The following PCDH15 variants were observed in gnomAD, a reference collection of about 807,000 sequenced individuals.
PCDH15 encodes protocadherin-15.
In PCDH15, 129 loss-of-function variants were observed where a neutral mutation model predicts 178.5. The ratio of observed to expected loss-of-function variants is 0.72; its 90% confidence interval spans 0.63 to 0.84. The LOEUF is 0.84. Ranked by LOEUF, PCDH15 falls within the 40% of genes least tolerant of loss-of-function variation. The probability of loss-of-function intolerance (pLI) is 0.00; values close to 1 mark genes in which losing one functional copy is unlikely to be tolerated. For missense variants in PCDH15, 2,230 were observed against 2,099.9 expected (o/e 1.06, Z -1.21); for synonymous variants, 800 against 732.0 (o/e 1.09, Z -1.50).
At chr10:54,505,338 A>G (rs2137561662) in intron 3 of PCDH15, among the ~76,000 whole-genome samples, 1 of 152,260 alleles carries the variant, frequency 6.6e-6, no homozygotes, top group Admixed American at 6.5e-5. Flanking sequence ...AAATGAAAGA[A>G]AGGAAGGCAA....
intron 2 of PCDH15, among the ~76,000 whole-genome samples, chr10:55,590,111 C>T (rs1213119737): frequency 6.6e-6 from 1 of 151,244 alleles, no homozygotes; most frequent in Admixed American, 6.6e-5. Flanking sequence ...GGCACATATA[C>T]ACCATGGAAT....
At position 54,963,335 on chromosome 10, in the gene PCDH15, G is replaced by GT. The variant is rs5785104; in HGVS notation, c.-79-65836dup. 1.5e-3 allele frequency among the ~76,000 whole-genome samples: 228 copies of GT among 148,514 alleles called. 1 individual carries two copies. The highest frequency in any genetic ancestry group is 2.6e-3 in the South Asian group (12 of 4,696). On this transcript the variant is annotated intron_variant, in intron 2 of 5. Coordinates refer to the PCDH15 transcript ENST00000458638. ...TATCTGCTTAACTGACATAAAATGT[G>GT]TTTTTTTTTTTTTACTATTTTAATG... is the stretch of plus-strand genomic sequence containing the variant.
At chr10:54,361,587 T>G (rs1181324439) in intron 5 of PCDH15, among the ~76,000 whole-genome samples, 1 of 152,012 alleles carries the variant, frequency 6.6e-6, no homozygotes, top group Non-Finnish European at 1.5e-5. Flanking sequence ...AGAAATTAAT[T>G]AATTTTCCAT....
chr10:55,368,358 C>T (rs1278965535), intron 2 of PCDH15, among the ~76,000 whole-genome samples: 1 of 152,076 alleles, frequency 6.6e-6, no homozygotes, highest in Non-Finnish European at 1.5e-5. Context: ...TACACACAGC[C>T]TCTCAACTGG....
chr10:54,424,382 G>A (rs1458513248), intron 3 of PCDH15, among the ~76,000 whole-genome samples: 2 of 151,846 alleles, frequency 1.3e-5, no homozygotes, highest in African/African-American at 2.4e-5. Context: ...AGGATATGGA[G>A]AAATAGGAAC....
chr10:54,317,296 G>A lies in PCDH15; in HGVS notation c.851C>T (p.Ala284Val), dbSNP rs777071595. ...TRDCRPLTYQ[A>V]AIPELRTPEE... is the part of the protein sequence containing the mutation. ...CGGAGTTCTCAACTCAGGTATGGCA[G>A]CTTGATAAGTGAGTGGACGGCAATC... Residue 284 changes from alanine (A) to valine (V), a missense_variant, in exon 8 of 38, where the codon GCT (alanine) becomes GTT (valine). By Grantham distance (64) the Ala-to-Val change is moderately conservative. Transcript: ENST00000644397. 34 of 1,613,798 alleles carry A rather than the reference G, an allele frequency of 2.1e-5. No individual in the cohort carries two copies. The South Asian group carries it at 3.7e-4, about 18-fold the overall frequency.
At chr10:55,036,755 C>T (rs868754946) in intron 2 of PCDH15, among the ~76,000 whole-genome samples, 4 of 152,084 alleles carry the variant, frequency 2.6e-5, no homozygotes, top group South Asian at 2.1e-4. Context: ...AAAAACATAT[C>T]GTATATTTAT....
At chr10:54,482,289 C>A (rs187228225) in intron 3 of PCDH15, among the ~76,000 whole-genome samples, 60 of 151,862 alleles carry the variant, frequency 4.0e-4, no homozygotes, top group African/African-American at 1.4e-3. Flanking sequence ...GAAATACACT[C>A]TTCAGTAACA....
At chr10:54,424,630 A>C (rs1416325078) in intron 3 of PCDH15, among the ~76,000 whole-genome samples, 1 of 152,064 alleles carries the variant, frequency 6.6e-6, no homozygotes, top group East Asian at 1.9e-4. Context: ...CAATGATAGA[A>C]TGGATTAAGA....
intron 15 of PCDH15, among the ~76,000 whole-genome samples, chr10:54,099,425 G>T (rs186502240): frequency 6.8e-6 from 1 of 147,644 alleles, no homozygotes; most frequent in East Asian, 2.0e-4. Context: ...TATGAACCCA[G>T]GAGGAGGAGC....
At chr10:54,420,986 A>C (rs1284828680) in intron 3 of PCDH15, among the ~76,000 whole-genome samples, 1 of 152,120 alleles carries the variant, frequency 6.6e-6, no homozygotes, top group Non-Finnish European at 1.5e-5. Context: ...TGTCTCCCTC[A>C]ACCTGGAATA....
At chr10:55,268,762 A>G (rs2132244207) in intron 1 of PCDH15, among the ~76,000 whole-genome samples, 1 of 152,282 alleles carries the variant, frequency 6.6e-6, no homozygotes, top group East Asian at 1.9e-4. Context: ...TTGCAAGTTG[A>G]AACCTAGCCA....
At chr10:55,201,207 T>G (rs2132158897) in intron 1 of PCDH15, among the ~76,000 whole-genome samples, 1 of 152,190 alleles carries the variant, frequency 6.6e-6, no homozygotes, top group Non-Finnish European at 1.5e-5. Context: ...CAGAAGCTAC[T>G]TTTGTCACAC....
At chr10:54,946,478 C>T (rs1345572298) in intron 2 of PCDH15, among the ~76,000 whole-genome samples, 2 of 151,674 alleles carry the variant, frequency 1.3e-5, no homozygotes, top group Admixed American at 6.6e-5. Flanking sequence ...GAACAACACC[C>T]TAACGTTTTA....
chr10:55,355,858 A>C (rs141060889), intron 2 of PCDH15, among the ~76,000 whole-genome samples: 8 of 152,090 alleles, frequency 5.3e-5, no homozygotes, highest in African/African-American at 1.4e-4. Flanking sequence ...ATATATTTTA[A>C]AAATAAAACT....
At chr10:54,896,533 G>C (rs558914838) in intron 3 of PCDH15, among the ~76,000 whole-genome samples, 1 of 151,494 alleles carries the variant, frequency 6.6e-6, no homozygotes, top group Non-Finnish European at 1.5e-5. Flanking sequence ...AAATAGCTTA[G>C]CTCCATGAAC....
chr10:54,231,336 C>T (rs748975991), intron 9 of PCDH15, among the ~76,000 whole-genome samples: 85 of 152,324 alleles, frequency 5.6e-4, no homozygotes, highest in Non-Finnish European at 8.2e-4. Context: ...GATGTTAAAC[C>T]TGTGGACACA....
chr10:54,015,601 C>G (rs907314193), intron 20 of PCDH15, among the ~76,000 whole-genome samples: 1 of 151,964 alleles, frequency 6.6e-6, no homozygotes, highest in East Asian at 1.9e-4. Flanking sequence ...ATGCTGCATA[C>G]TTATAAGCAT....
At chr10:53,984,145 T>C (rs1310095881) in intron 21 of PCDH15, among the ~76,000 whole-genome samples, 1 of 65,910 alleles carries the variant, frequency 1.5e-5, no homozygotes, top group Non-Finnish European at 4.0e-5. Context: ...TCTTTTTTCT[T>C]TTCTTTTTTT....
Sources: allele counts gnomAD v4.1 joint callset (sites outside exome capture counted in the v4.1 genomes callset), GRCh38; gene constraint gnomAD v4.1.1; transcripts MANE v1.5; gene names NCBI Gene and HGNC (gene_info 2026-07-23, HGNC 2026-07-21).